The following HSPA12A variants were observed in gnomAD, a reference collection of about 807,000 sequenced individuals.
HSPA12A encodes the protein heat shock 70 kDa protein 12A.
HSPA12A carries 28 observed loss-of-function variants against 69.2 expected under a neutral mutation model. The ratio of observed to expected loss-of-function variants is 0.40; its 90% confidence interval spans 0.30 to 0.55. The LOEUF (loss-of-function observed/expected upper bound fraction) is 0.55. HSPA12A is among the 20% of genes least tolerant of loss of function. The pLI, the probability that HSPA12A is intolerant of heterozygous loss-of-function variation, is 0.38. For synonymous variants in HSPA12A, 345 were observed against 370.5 expected, an observed-to-expected ratio of 0.93 and a Z score of 0.79; for missense variants, 686 against 900.7, an observed-to-expected ratio of 0.76 and a Z score of 3.05.
intron 2 of HSPA12A, among the ~76,000 whole-genome samples, chr10:116,798,937 C>A (rs752618938): frequency 1.8e-4 from 28 of 152,028 alleles, no homozygotes; most frequent in Admixed American, 2.6e-4. Context: ...ACCGCACAGC[C>A]AGACCCATCC....
intron 2 of HSPA12A, among the ~76,000 whole-genome samples, chr10:116,764,279 A>C (rs1844031791): frequency 6.6e-6 from 1 of 152,234 alleles, no homozygotes; most frequent in African/African-American, 2.4e-5. Context: ...ACAATGTGAA[A>C]GGTTATTATC....
intron 10 of HSPA12A, among the ~76,000 whole-genome samples, chr10:116,678,372 A>AAAT (rs1554878102): frequency 1.3e-5 from 2 of 150,280 alleles, no homozygotes; most frequent in Non-Finnish European, 3.0e-5. Context: ...AAAAAAAAAA[A>AAAT]GGCTATGGGA....
rs115060165 is a variant in HSPA12A at position 116,681,121 on chromosome 10, G to T, written c.1027+31C>A. On this transcript the variant is annotated intron_variant, in intron 9 of 11. Transcript: ENST00000369209. ...ACAGAACTGCCTGGAATTGGCTCAGGAATAAGAAAATTAGCCCTGCAGGGC... is the reference window on the plus strand; with the variant it reads ...ACAGAACTGCCTGGAATTGGCTCAGTAATAAGAAAATTAGCCCTGCAGGGC... The T allele has an allele frequency of 1.8e-3, 2,600 of 1,480,204 alleles. 41 individuals carry two copies. The African/African-American group carries it at 0.031, about 17-fold the overall frequency. The allele number at this position is 1,480,204 out of a possible 1,614,324, so 91.7% of individuals were successfully genotyped here.
intron 2 of HSPA12A, among the ~76,000 whole-genome samples, chr10:116,771,492 T>A (rs1370395635): frequency 1.3e-5 from 2 of 152,226 alleles, no homozygotes; most frequent in African/African-American, 2.4e-5. Flanking sequence ...GCCACTGGAA[T>A]ATTTTAAGCA....
At chr10:116,724,551 G>C (rs1311126793) in intron 1 of HSPA12A, among the ~76,000 whole-genome samples, 1 of 152,108 alleles carries the variant, frequency 6.6e-6, no homozygotes, top group Non-Finnish European at 1.5e-5. Context: ...GGCCAGTCTG[G>C]AAGGCTCCCC....
At chr10:116,797,508 G>C (rs1844855273) in intron 2 of HSPA12A, among the ~76,000 whole-genome samples, 1 of 152,186 alleles carries the variant, frequency 6.6e-6, no homozygotes, top group Non-Finnish European at 1.5e-5. Context: ...GTTTGAGTGT[G>C]TGTGTTGGCT....
chr10:116,827,975 T>A (rs994694170), intron 2 of HSPA12A, among the ~76,000 whole-genome samples: 1 of 152,224 alleles, frequency 6.6e-6, no homozygotes, highest in African/African-American at 2.4e-5. Flanking sequence ...CAGGCATTTG[T>A]AAATTTTAAA....
Position 116,705,198 on chromosome 10 carries a change from G to T in HSPA12A, c.207C>A (p.Gly69=), listed in dbSNP as rs1554882224. 6.2e-7 allele frequency: 1 copy of T among 1,614,174 alleles called. No individual in the cohort carries two copies. Among genetic ancestry groups the T allele is most frequent in the African/African-American group, 1.3e-5 (1 of 75,060 alleles). Residue 69 remains glycine, a synonymous_variant, in exon 3 of 12, where the codon GGC becomes GGA. Transcript: ENST00000369209. ...GCTCCTTGGTGAAGCTGTAGGCATAGCCACTGGATGTGGTCCCAAAGTCGA... is the reference window on the plus strand; with the variant it reads ...GCTCCTTGGTGAAGCTGTAGGCATATCCACTGGATGTGGTCCCAAAGTCGA... ...VAVDFGTTSS[G]YAYSFTKEPE... is the part of the protein sequence containing the mutation.
chr10:116,735,553 A>G (rs1564801655), intron 1 of HSPA12A, among the ~76,000 whole-genome samples: 1 of 152,218 alleles, frequency 6.6e-6, no homozygotes, highest in Non-Finnish European at 1.5e-5. Context: ...GCCGACAGCC[A>G]GCACCAACCC....
chr10:116,704,883 G>A (rs1321659968), intron 3 of HSPA12A, among the ~76,000 whole-genome samples: 1 of 152,144 alleles, frequency 6.6e-6, no homozygotes, highest in Non-Finnish European at 1.5e-5. Flanking sequence ...GCCACAAGCT[G>A]GATTCACCCG....
chr10:116,687,929 C>T lies in HSPA12A; in HGVS notation c.664-3967G>A, dbSNP rs577678773. Among the ~76,000 whole-genome samples the T allele has an allele frequency of 9.2e-5, 14 of 152,284 alleles. No individual in the cohort carries two copies. The South Asian group carries it at 2.5e-3, about 27-fold the overall frequency. Reference sequence around the variant, plus strand: ...CCACAGGCCACATTGTGGCCCAGGACGACTTTGGATGCAGCCCAACACAAA... The same window carrying T: ...CCACAGGCCACATTGTGGCCCAGGATGACTTTGGATGCAGCCCAACACAAA... On this transcript the variant is annotated intron_variant, in intron 6 of 11. Transcript: ENST00000369209.
chr10:116,696,002 C>CAAAAAAAAAAAAAAA (rs71013609), intron 5 of HSPA12A, among the ~76,000 whole-genome samples: 509 of 32,698 alleles, frequency 0.016, 115 homozygotes, highest in African/African-American at 0.074. Context: ...GACTCCATCT[C>CAAAAAAAAAAAAAAA]AAAAAAAAAA....
chr10:116,742,261 C>T (rs1851536122), intron 1 of HSPA12A, among the ~76,000 whole-genome samples, 169 bp downstream of exon 1: 1 of 151,784 alleles, frequency 6.6e-6, no homozygotes, highest in African/African-American at 2.4e-5. Flanking sequence ...CGGACCCCGG[C>T]CCCCGGCCCC....
intron 2 of HSPA12A, among the ~76,000 whole-genome samples, chr10:116,766,884 C>T (rs1665670): frequency 0.99 from 150,759 of 152,344 alleles, 74,615 homozygotes; most frequent in East Asian, 1. Context: ...CACTGGCACC[C>T]GTAGGGCCCC....
intron 1 of HSPA12A, among the ~76,000 whole-genome samples, chr10:116,722,296 G>C (rs1850806278): frequency 6.6e-6 from 1 of 152,204 alleles, no homozygotes; most frequent in Non-Finnish European, 1.5e-5. Context: ...AGATGTCTGT[G>C]CCCACGGTGC....
chr10:116,695,000 C>T (rs782534390), intron 5 of HSPA12A, among the ~76,000 whole-genome samples: 16 of 152,104 alleles, frequency 1.1e-4, no homozygotes, highest in Non-Finnish European at 2.2e-4. Context: ...GCCAGGCCTC[C>T]CCTGTCCCCT....
chr10:116,738,633 C>T lies in HSPA12A; in HGVS notation c.40+3797G>A, dbSNP rs530220305. On this transcript the variant is annotated intron_variant, in intron 1 of 11. Coordinates refer to ENST00000369209, the MANE Select transcript of HSPA12A (RefSeq NM_025015.3). ...ATACAAAGCTGGCATATCGTAGGGC[C>T]TCAACAAACACTAGTTGGAATTATC... 5.9e-5 allele frequency among the ~76,000 whole-genome samples: 9 copies of T among 152,258 alleles called. No individual in the cohort carries two copies. The South Asian group carries it at 1.7e-3, about 28-fold the overall frequency.
At chr10:116,742,747 C>G (rs1851558183), upstream of HSPA12A, among the ~76,000 whole-genome samples, 1 of 151,770 alleles carries the variant, frequency 6.6e-6, no homozygotes, top group Admixed American at 6.6e-5. Context: ...CCCGCCCGCC[C>G]AGAGCGGCCC....
At chr10:116,787,823 A>G (rs1209147284) in intron 2 of HSPA12A, among the ~76,000 whole-genome samples, 1 of 152,204 alleles carries the variant, frequency 6.6e-6, no homozygotes, top group East Asian at 1.9e-4. Flanking sequence ...TAAGAAGTGG[A>G]GTGCCTGGTC....
Sources: gnomAD v4.1 joint callset for allele counts (sites outside exome capture counted in the v4.1 genomes callset) on GRCh38, gnomAD v4.1.1 for gene constraint, MANE v1.5 for transcripts, NCBI Gene and HGNC (gene_info 2026-07-23, HGNC 2026-07-21) for gene names.